NRXN3: variants seen among roughly 807,000 people sequenced by gnomAD.
NRXN3 encodes neurexin III.
In NRXN3, 32 loss-of-function variants were observed where a neutral mutation model predicts 137.6. That is an observed-to-expected ratio of 0.23 (90% confidence interval 0.18 to 0.31). The LOEUF is 0.31. NRXN3 is among the 10% of genes least tolerant of loss of function. The pLI is 1.00. For missense variants in NRXN3, 1,574 were observed against 2,062.5 expected, an observed-to-expected ratio of 0.76 and a Z score of 4.59; for synonymous variants, 798 against 784.5, an observed-to-expected ratio of 1.02 and a Z score of -0.29.
chr14:78,955,115 G>C (rs781090380), intron 10 of NRXN3, among the ~76,000 whole-genome samples: 48 of 152,232 alleles, frequency 3.2e-4, no homozygotes, highest in Admixed American at 3.1e-3. Context: ...TAAATAGCCC[G>C]TACTTGTAGC....
intron 20 of NRXN3, among the ~76,000 whole-genome samples, chr14:79,855,809 C>G (rs1269739579): frequency 6.6e-6 from 1 of 152,086 alleles, no homozygotes; most frequent in Non-Finnish European, 1.5e-5. Flanking sequence ...ATAAAAAATA[C>G]TTGATATGCA....
intron 4 of NRXN3, among the ~76,000 whole-genome samples, chr14:78,298,673 T>C (rs1461702191): frequency 6.6e-6 from 1 of 152,206 alleles, no homozygotes; most frequent in African/African-American, 2.4e-5. Context: ...CACAGTTCAA[T>C]TGCTGCTATT....
chr14:78,220,833 G>C (rs1448618008), intron 1 of NRXN3, among the ~76,000 whole-genome samples: 1 of 152,090 alleles, frequency 6.6e-6, no homozygotes, highest in East Asian at 1.9e-4. Flanking sequence ...TGAGTAGCCA[G>C]AGGGGAGAGA....
At chr14:79,151,859 AT>A (rs1194100293) in intron 15 of NRXN3, among the ~76,000 whole-genome samples, 1 of 152,026 alleles carries the variant, frequency 6.6e-6, no homozygotes, top group Non-Finnish European at 1.5e-5. Context: ...CTAATTTGCA[AT>A]TTTTAAGTCA....
intron 4 of NRXN3, among the ~76,000 whole-genome samples, chr14:78,570,486 C>G (rs558085512): frequency 6.6e-6 from 1 of 152,208 alleles, no homozygotes; most frequent in Non-Finnish European, 1.5e-5. Flanking sequence ...TCAGGTTCAG[C>G]TTAAAGCTCA....
At chr14:78,752,095 G>A (rs543174429) in intron 8 of NRXN3, among the ~76,000 whole-genome samples, 22 of 152,300 alleles carry the variant, frequency 1.4e-4, no homozygotes, top group South Asian at 4.1e-4. Context: ...TTGCACTTGC[G>A]ATTTTGCCTT....
At chr14:79,279,128 C>A (rs946967337) in intron 15 of NRXN3, among the ~76,000 whole-genome samples, 5 of 152,314 alleles carry the variant, frequency 3.3e-5, no homozygotes, top group Admixed American at 3.3e-4. Flanking sequence ...GTGTCACACA[C>A]GCGCGCACAC....
intron 15 of NRXN3, among the ~76,000 whole-genome samples, chr14:79,350,973 A>G (rs1212178696): frequency 6.6e-6 from 1 of 152,192 alleles, no homozygotes; most frequent in Non-Finnish European, 1.5e-5. Flanking sequence ...TCCTCAATTT[A>G]CAGAAGAAGA....
At chr14:79,712,277 G>T (rs1182646704) in intron 19 of NRXN3, among the ~76,000 whole-genome samples, 1 of 152,022 alleles carries the variant, frequency 6.6e-6, no homozygotes, top group Non-Finnish European at 1.5e-5. Context: ...AATGACTTCT[G>T]CTTCTGGAAG....
At chr14:79,735,551 A>G (rs907670850) in intron 19 of NRXN3, among the ~76,000 whole-genome samples, 1 of 152,192 alleles carries the variant, frequency 6.6e-6, no homozygotes, top group Admixed American at 6.5e-5. Flanking sequence ...TGAGTTTTAC[A>G]TATTGCCTGG....
chr14:79,611,008 C>T (rs1247097981), intron 16 of NRXN3, among the ~76,000 whole-genome samples: 1 of 152,162 alleles, frequency 6.6e-6, no homozygotes, highest in Non-Finnish European at 1.5e-5. Context: ...GCATAGTCAG[C>T]TGCTAGTTTG....
In NRXN3 at chr14:78,582,812, T is replaced by C. The variant is rs75763118; in HGVS notation, c.758-62308T>C. Among the ~76,000 whole-genome samples, 595 of 152,294 alleles carry C rather than the reference T, an allele frequency of 3.9e-3. 2 individuals carry two copies. The highest frequency in any genetic ancestry group is 0.014 in the African/African-American group (570 of 41,552). ...CCCATCCACACGATACAATGCATGA[T>C]GTAGAAAGTAAATACATTGAAATAA... On this transcript the variant is annotated intron_variant, in intron 4 of 20. Coordinates refer to ENST00000335750, the MANE Select transcript of NRXN3 (RefSeq NM_001330195.2).
intron 15 of NRXN3, among the ~76,000 whole-genome samples, chr14:79,099,063 G>C (rs1477695057): frequency 6.6e-6 from 1 of 152,140 alleles, no homozygotes; most frequent in Non-Finnish European, 1.5e-5. Flanking sequence ...CCTGAGCACA[G>C]AATTTGTTCA....
chr14:79,581,918 G>T (rs2097720252), intron 16 of NRXN3, among the ~76,000 whole-genome samples: 3 of 152,088 alleles, frequency 2.0e-5, no homozygotes, highest in Admixed American at 2.0e-4. Flanking sequence ...CCCCTCTCAG[G>T]AAGTAATTTT....
At chr14:78,957,631 C>A (rs1468273922) in intron 11 of NRXN3, among the ~76,000 whole-genome samples, 1 of 152,124 alleles carries the variant, frequency 6.6e-6, no homozygotes, top group East Asian at 1.9e-4. Context: ...GTCTGGAGAA[C>A]AGATGTAGGG....
intron 13 of NRXN3, among the ~76,000 whole-genome samples, chr14:78,967,671 C>A (rs1422934071): frequency 1.3e-5 from 2 of 152,066 alleles, no homozygotes; most frequent in African/African-American, 4.8e-5. Flanking sequence ...GTGGGAAGGG[C>A]CGTAATACAG....
At chr14:79,306,004 C>T (rs536137174) in intron 15 of NRXN3, among the ~76,000 whole-genome samples, 3 of 152,178 alleles carry the variant, frequency 2.0e-5, no homozygotes, top group South Asian at 2.1e-4. Flanking sequence ...AAGACAGTTG[C>T]GTTCCAGTGT....
In NRXN3 at chr14:79,663,816, A is replaced by G; in HGVS notation, c.3483A>G (p.Thr1161=). 6.2e-7 allele frequency: 1 copy of G among 1,613,308 alleles called. No individual in the cohort carries two copies. The highest frequency in any genetic ancestry group is 8.5e-7 in the Non-Finnish European group (1 of 1,179,586). ...TTGGAGTTGTCTTCAACATTGGCAC[A>G]GTTGACATCTCCATCAAAGAGGAGA... ...GKIGVVFNIG[T]VDISIKEERT... is the part of the protein sequence containing the mutation. Residue 1161 remains threonine (T), a synonymous_variant, in exon 17 of 21, where the codon ACA becomes ACG. Transcript: ENST00000335750.
intron 3 of NRXN3, among the ~76,000 whole-genome samples, chr14:78,295,276 T>G (rs1355825305): frequency 6.6e-6 from 1 of 152,250 alleles, no homozygotes; most frequent in Non-Finnish European, 1.5e-5. Flanking sequence ...TTTGCTTTAT[T>G]GGCTATAAAA....
Sources: gnomAD v4.1 joint callset for allele counts (sites outside exome capture counted in the v4.1 genomes callset) on GRCh38, gnomAD v4.1.1 for gene constraint, MANE v1.5 for transcripts, NCBI Gene and HGNC (gene_info 2026-07-23, HGNC 2026-07-21) for gene names.